The following TNS3 variants were observed in gnomAD, a reference collection of about 807,000 sequenced individuals.
TNS3 encodes tensin 3.
TNS3 carries 45 observed loss-of-function variants against 140.9 expected under a neutral mutation model. That is an observed-to-expected ratio of 0.32 (90% CI 0.25 to 0.41). The LOEUF (loss-of-function observed/expected upper bound fraction) is 0.41, where lower values mean the gene tolerates loss of function less well. Ranked by LOEUF, TNS3 falls within the 10% of genes least tolerant of loss-of-function variation. The pLI is 1.00. For missense variants in TNS3, 1,716 were observed against 1,906.7 expected (o/e 0.90, Z 1.86); for synonymous variants, 815 against 788.4 (o/e 1.03, Z -0.56).
intron 17 of TNS3, among the ~76,000 whole-genome samples, chr7:47,349,369 C>A (rs1789530421): frequency 6.6e-6 from 1 of 152,378 alleles, no homozygotes; most frequent in East Asian, 1.9e-4. Context: ...GCCTCTCCCT[C>A]TGGATGGATC....
intron 20 of TNS3, among the ~76,000 whole-genome samples, chr7:47,311,127 C>T (rs1046257328): frequency 1.3e-5 from 2 of 152,194 alleles, no homozygotes; most frequent in Non-Finnish European, 2.9e-5. Context: ...GTTCTAGATC[C>T]TTGAGGAATC....
intron 1 of TNS3, among the ~76,000 whole-genome samples, chr7:47,574,946 C>A (rs2347993): frequency 6.6e-6 from 1 of 151,976 alleles, no homozygotes; most frequent in Admixed American, 6.6e-5. Flanking sequence ...GTGGTGATGG[C>A]TGCACAACGT....
intron 4 of TNS3, among the ~76,000 whole-genome samples, chr7:47,451,968 T>C (rs1419968974): frequency 6.6e-6 from 1 of 152,208 alleles, no homozygotes; most frequent in Non-Finnish European, 1.5e-5. Flanking sequence ...CCGTCTGATC[T>C]TGGGAATTTA....
chr7:47,545,095 C>T (rs1288386866), intron 1 of TNS3, among the ~76,000 whole-genome samples: 1 of 150,766 alleles, frequency 6.6e-6, no homozygotes, highest in Non-Finnish European at 1.5e-5. Flanking sequence ...TTGTGCCTGG[C>T]CTTTTAAACT....
At chr7:47,554,637 C>T (rs989665233) in intron 1 of TNS3, among the ~76,000 whole-genome samples, 6 of 152,188 alleles carry the variant, frequency 3.9e-5, no homozygotes, top group Non-Finnish European at 7.3e-5. Flanking sequence ...TAGAACTAGA[C>T]GTGGAGCCTG....
intron 12 of TNS3, among the ~76,000 whole-genome samples, chr7:47,412,876 G>A (rs1793854157): frequency 6.6e-6 from 1 of 152,200 alleles, no homozygotes; most frequent in Non-Finnish European, 1.5e-5. Context: ...GTATTGTTAT[G>A]TAATCTAGAG....
intron 4 of TNS3, among the ~76,000 whole-genome samples, chr7:47,457,587 A>C (rs1254629057): frequency 2.0e-5 from 3 of 152,120 alleles, no homozygotes; most frequent in Non-Finnish European, 4.4e-5. Context: ...CTGAAACCCA[A>C]GCTATCAAAA....
chr7:47,477,455 G>C (rs1171918447), intron 4 of TNS3, among the ~76,000 whole-genome samples: 1 of 152,144 alleles, frequency 6.6e-6, no homozygotes, highest in African/African-American at 2.4e-5. Flanking sequence ...CCAGGTCTAA[G>C]GGCAGGTCAC....
intron 4 of TNS3, among the ~76,000 whole-genome samples, chr7:47,460,152 G>T: frequency 6.7e-6 from 1 of 149,196 alleles, no homozygotes. Context: ...GGCGGAGCTT[G>T]CAGTGAGCCG....
rs1785733130 is a variant in TNS3, at chr7:47,292,000, G to A, written c.3883C>T (p.Gln1295Ter). The A allele has an allele frequency of 6.2e-7, 1 of 1,614,042 alleles. No individual in the cohort carries two copies. Among genetic ancestry groups the A allele is most frequent in the African/African-American group, 1.3e-5 (1 of 74,934 alleles). ...TCAGCTGCTGAATTGGCTGCCGTCT[G>A]GGGAGAACTTTCTGCTATTTCCTCC... ...PLEEIAESSP[Q>*]TAANSAAELL... Residue 1295 changes from glutamine to a stop codon, truncating the protein, a stop_gained, in exon 27 of 31, where the codon CAG (glutamine) becomes TAG (stop). Transcript: ENST00000311160. LOFTEE classifies it high-confidence loss of function.
At chr7:47,340,251 T>C (rs1230517339) in intron 20 of TNS3, among the ~76,000 whole-genome samples, 1 of 146,890 alleles carries the variant, frequency 6.8e-6, no homozygotes. Context: ...GCCTCCTGAA[T>C]AGCCGGGATT....
At chr7:47,335,280 G>A (rs1157770149) in intron 20 of TNS3, among the ~76,000 whole-genome samples, 1 of 152,204 alleles carries the variant, frequency 6.6e-6, no homozygotes, top group Admixed American at 6.5e-5. Context: ...CCAAATGGGT[G>A]AAGCCTGGTT....
intron 1 of TNS3, among the ~76,000 whole-genome samples, chr7:47,559,396 G>T (rs1020800153): frequency 6.6e-6 from 1 of 152,164 alleles, no homozygotes; most frequent in Non-Finnish European, 1.5e-5. Flanking sequence ...CACATGTTCA[G>T]ATTTTTAATA....
chr7:47,293,871 G>A (rs1170466787), intron 24 of TNS3, 43 bp from the exon 25 acceptor site: 1 of 1,565,766 alleles, frequency 6.4e-7, no homozygotes, highest in Admixed American at 1.7e-5. Context: ...TTTGAAAATG[G>A]GAGCATGGGA....
intron 5 of TNS3, among the ~76,000 whole-genome samples, chr7:47,441,669 G>C (rs1795471828): frequency 6.6e-6 from 1 of 152,186 alleles, no homozygotes; most frequent in South Asian, 2.1e-4. Context: ...GAAGATGCTG[G>C]CTCAGGGCCC....
intron 27 of TNS3, among the ~76,000 whole-genome samples, chr7:47,289,841 G>A (rs76100177): frequency 0.028 from 4,215 of 152,242 alleles, 103 homozygotes; most frequent in Middle Eastern, 0.054. Flanking sequence ...TAGATTCAAT[G>A]CAATCTCAAT....
chr7:47,563,095 C>T (rs79622674), intron 1 of TNS3, among the ~76,000 whole-genome samples: 5,998 of 152,250 alleles, frequency 0.039, 373 homozygotes, highest in African/African-American at 0.14. Context: ...TGGGCATCCC[C>T]GGGCCAGGCC....
intron 10 of TNS3, among the ~76,000 whole-genome samples, chr7:47,417,470 G>T (rs1794144968): frequency 6.6e-6 from 1 of 152,230 alleles, no homozygotes; most frequent in African/African-American, 2.4e-5. Flanking sequence ...GGTCAGAGGG[G>T]AAGGGAAGGA....
At chr7:47,580,861 T>C (rs1031443938) in intron 1 of TNS3, among the ~76,000 whole-genome samples, 4 of 152,080 alleles carry the variant, frequency 2.6e-5, no homozygotes, top group African/African-American at 7.2e-5. Context: ...ATACAATGAG[T>C]TCTGCATTCA....
Sources: gnomAD v4.1 joint callset for allele counts (sites outside exome capture counted in the v4.1 genomes callset) on GRCh38, gnomAD v4.1.1 for gene constraint, MANE v1.5 for transcripts, NCBI Gene and HGNC (gene_info 2026-07-23, HGNC 2026-07-21) for gene names.